Variants in CFAP20DC observed in about 807,000 individuals in gnomAD.
The protein encoded by CFAP20DC is CFAP20 domain containing.
A neutral mutation model predicts 101.7 loss-of-function variants in CFAP20DC; 84 were observed. The observed-to-expected ratio is 0.83, with a 90% CI of 0.69 to 0.99. The LOEUF is 0.99. CFAP20DC is among the 50% of genes least tolerant of loss of function. The pLI is 0.00. For synonymous variants in CFAP20DC, 359 were observed against 351.2 expected, an observed-to-expected ratio of 1.02 and a Z score of -0.25; for missense variants, 1,007 against 970.3, an observed-to-expected ratio of 1.04 and a Z score of -0.50.
At chr3:58,958,517 G>A (rs1393106786) in intron 4 of CFAP20DC, among the ~76,000 whole-genome samples, 3 of 152,112 alleles carry the variant, frequency 2.0e-5, no homozygotes, top group African/African-American at 2.4e-5. Context: ...ATGTGGACAC[G>A]TTTTCACTGT....
At chr3:58,972,497 T>C (rs150331633) in intron 4 of CFAP20DC, among the ~76,000 whole-genome samples, 86 of 152,308 alleles carry the variant, frequency 5.6e-4, no homozygotes, top group African/African-American at 2.0e-3. Flanking sequence ...TTGGTTATTA[T>C]GGATTGCATT....
intron 16 of CFAP20DC, among the ~76,000 whole-genome samples, chr3:58,749,980 G>A (rs2068456791): frequency 6.6e-6 from 1 of 152,206 alleles, no homozygotes; most frequent in African/African-American, 2.4e-5. Flanking sequence ...TTATAGCCCA[G>A]GAGGAGCTGT....
chr3:58,944,243 C>A (rs1178193284), intron 4 of CFAP20DC, among the ~76,000 whole-genome samples: 1 of 151,966 alleles, frequency 6.6e-6, no homozygotes, highest in South Asian at 2.1e-4. Flanking sequence ...AGATACTCCT[C>A]GAGAAGAGCA....
At chr3:58,818,374 G>A (rs2075358852) in intron 14 of CFAP20DC, among the ~76,000 whole-genome samples, 1 of 147,546 alleles carries the variant, frequency 6.8e-6, no homozygotes, top group South Asian at 2.2e-4. Context: ...AGACCCATCA[G>A]TGTGCTGTAT....
At chr3:58,736,902 T>A (rs1157643675) in intron 3 of CFAP20DC, among the ~76,000 whole-genome samples, 1 of 152,210 alleles carries the variant, frequency 6.6e-6, no homozygotes, top group Non-Finnish European at 1.5e-5. Flanking sequence ...GTCATTTAAT[T>A]CTTATAAGTC....
chr3:58,916,776 TAA>T (rs1280439219), intron 5 of CFAP20DC, among the ~76,000 whole-genome samples: 2 of 152,180 alleles, frequency 1.3e-5, no homozygotes, highest in African/African-American at 4.8e-5. Flanking sequence ...CTGATATTGA[TAA>T]AGCTTCCAAT....
intron 16 of CFAP20DC, among the ~76,000 whole-genome samples, chr3:58,752,058 T>C (rs1202708411): frequency 6.6e-6 from 1 of 152,148 alleles, no homozygotes; most frequent in Non-Finnish European, 1.5e-5. Flanking sequence ...TTTGACACTT[T>C]AGCAGAACAG....
intron 4 of CFAP20DC, among the ~76,000 whole-genome samples, chr3:58,950,866 C>T (rs540898396): frequency 6.6e-6 from 1 of 152,136 alleles, no homozygotes; most frequent in Non-Finnish European, 1.5e-5. Flanking sequence ...GACTTCATGT[C>T]TAAAACACCA....
At chr3:58,845,693 G>T (rs900401518) in intron 13 of CFAP20DC, among the ~76,000 whole-genome samples, 9 of 151,618 alleles carry the variant, frequency 5.9e-5, no homozygotes, top group South Asian at 2.1e-4. Context: ...TACCAAAGCC[G>T]GGCAGAGACA....
Position 59,049,659 on chromosome 3 carries a change from G to A in CFAP20DC, c.-28C>T, listed in dbSNP as rs530726163. On this transcript the variant is annotated 5_prime_UTR_variant, in exon 1 of 17. Transcript: ENST00000482387. ...CCGCAGGGGGCCCAGGGCTTGGGGG[G>A]CACAGAGTTCAGGGTTTCCAGCGAG... 3 of 1,535,628 alleles carry A rather than the reference G, an allele frequency of 2.0e-6. No individual in the cohort carries two copies. In the South Asian group the frequency reaches 3.6e-5, roughly 18 times the overall value.
chr3:58,956,768 G>A (rs1208585722), intron 4 of CFAP20DC, among the ~76,000 whole-genome samples: 3 of 152,180 alleles, frequency 2.0e-5, no homozygotes, highest in Non-Finnish European at 2.9e-5. Context: ...TGGGTTGGGA[G>A]GCCTCAAGAA....
At chr3:58,950,297 G>C (rs1391918393) in intron 4 of CFAP20DC, among the ~76,000 whole-genome samples, 1 of 152,096 alleles carries the variant, frequency 6.6e-6, no homozygotes, top group Non-Finnish European at 1.5e-5. Flanking sequence ...CATGCTCATG[G>C]GTAGGAAGAA....
chr3:58,999,351 G>A (rs1450224785), intron 4 of CFAP20DC, among the ~76,000 whole-genome samples: 1 of 152,188 alleles, frequency 6.6e-6, no homozygotes, highest in Non-Finnish European at 1.5e-5. Flanking sequence ...GCTGCTCCAG[G>A]CTTCAGACAA....
chr3:58,935,130 C>T (rs1451085627), intron 5 of CFAP20DC, among the ~76,000 whole-genome samples: 2 of 152,160 alleles, frequency 1.3e-5, no homozygotes, highest in Admixed American at 1.3e-4. Context: ...ATACCAATAA[C>T]AGACAATCAG....
chr3:58,977,375 G>A (rs112534987), intron 4 of CFAP20DC, among the ~76,000 whole-genome samples: 3 of 152,346 alleles, frequency 2.0e-5, no homozygotes, highest in African/African-American at 7.2e-5. Flanking sequence ...ACATGTGGAT[G>A]TGCGAAGGCT....
rs1240405861 is a variant in CFAP20DC, at chr3:58,799,943, A to G, written c.2237+6452T>C. On this transcript the variant is annotated intron_variant, in intron 15 of 16. Transcript: ENST00000482387. The surrounding 1 kb of genome is among the most constrained non-coding windows in gnomAD (Gnocchi z 4.9). ...TACTGACAGGGAGAGGCAGCTGGGA[A>G]GCAACCTTGGTTAAGAGAACTCCAT... 6.6e-6 allele frequency among the ~76,000 whole-genome samples: 1 copy of G among 152,220 alleles called. No homozygotes were observed. Among genetic ancestry groups the G allele is most frequent in the African/African-American group, 2.4e-5 (1 of 41,458 alleles).
At chr3:58,990,689 T>C (rs1302963679) in intron 4 of CFAP20DC, among the ~76,000 whole-genome samples, 20 of 152,024 alleles carry the variant, frequency 1.3e-4, no homozygotes, top group Non-Finnish European at 1.2e-4. Flanking sequence ...GCCAACGTGA[T>C]GCTCAAAGGA....
At chr3:58,877,672 T>C (rs963281359) in intron 7 of CFAP20DC, among the ~76,000 whole-genome samples, 1 of 152,200 alleles carries the variant, frequency 6.6e-6, no homozygotes, top group Non-Finnish European at 1.5e-5. Context: ...ATGCCCTCTG[T>C]GGATCAGGAG....
chr3:58,717,656 G>GAAA lies in CFAP20DC; in HGVS notation c.198-31_198-29dup. 7 of 336,216 alleles carry GAAA rather than the reference G, an allele frequency of 2.1e-5. No homozygotes were observed. The highest frequency in any genetic ancestry group is 6.9e-5 in the South Asian group (3 of 43,650). 20.8% of individuals were successfully genotyped at this position (336,216 alleles called of 1,614,324 possible). On this transcript the variant is annotated intron_variant, in intron 3 of 3. Transcript: ENST00000486145. The surrounding 1 kb of genome is among the most constrained non-coding windows in gnomAD (Gnocchi z 4.1). ...GCATTTCAGGTAGGAGAAGAGAGAA[G>GAAA]AAAAAAAAAAAAGAAAAAAGGTACA...
Sources: allele counts gnomAD v4.1 joint callset (sites outside exome capture counted in the v4.1 genomes callset), GRCh38; gene constraint gnomAD v4.1.1; non-coding constraint Gnocchi (gnomAD v3.1); transcripts MANE v1.5; gene names NCBI Gene and HGNC (gene_info 2026-07-23, HGNC 2026-07-21).